CACNA2D3: variants seen among roughly 807,000 people sequenced by gnomAD.
CACNA2D3 encodes the protein calcium voltage-gated channel auxiliary subunit alpha2delta 3, also known as voltage-dependent calcium channel subunit alpha-2/delta-3.
A neutral mutation model predicts 160.6 loss-of-function variants in CACNA2D3; 60 were observed. The ratio of observed to expected loss-of-function variants is 0.37; its 90% CI spans 0.30 to 0.46. The LOEUF (loss-of-function observed/expected upper bound fraction) is 0.46. Ranked by LOEUF, CACNA2D3 falls within the 20% of genes least tolerant of loss-of-function variation. The pLI is 1.00. For missense variants in CACNA2D3, 1,205 were observed against 1,365.0 expected (o/e 0.88, Z 1.85); for synonymous variants, 558 against 492.9 (o/e 1.13, Z -1.75).
chr3:54,554,030 G>T (rs942204868), intron 5 of CACNA2D3, among the ~76,000 whole-genome samples: 1 of 152,154 alleles, frequency 6.6e-6, no homozygotes, highest in African/African-American at 2.4e-5. Flanking sequence ...GCCTCATCTA[G>T]TACCTCTCGC....
At chr3:54,652,077 A>T (rs1309323544) in intron 11 of CACNA2D3, among the ~76,000 whole-genome samples, 1 of 152,172 alleles carries the variant, frequency 6.6e-6, no homozygotes, top group African/African-American at 2.4e-5. Flanking sequence ...GCAACTTGGA[A>T]AGGCGTTAAG....
intron 10 of CACNA2D3, among the ~76,000 whole-genome samples, chr3:54,634,949 A>G (rs1217116462): frequency 6.6e-6 from 1 of 151,996 alleles, no homozygotes; most frequent in Non-Finnish European, 1.5e-5. Context: ...TGCCTTCTTA[A>G]TAAGAAAAAT....
At chr3:54,295,561 C>T (rs978847026) in intron 2 of CACNA2D3, among the ~76,000 whole-genome samples, 1 of 152,180 alleles carries the variant, frequency 6.6e-6, no homozygotes, top group African/African-American at 2.4e-5. Context: ...AGGAGGCTTC[C>T]GGGTCATAGG....
intron 11 of CACNA2D3, among the ~76,000 whole-genome samples, chr3:54,693,871 G>A (rs915982218): frequency 3.9e-5 from 6 of 152,094 alleles, no homozygotes; most frequent in Admixed American, 2.0e-4. Context: ...ACAGCTGTAC[G>A]ATGTGTTTAT....
chr3:54,667,423 T>C (rs1181377483), intron 11 of CACNA2D3, among the ~76,000 whole-genome samples: 1 of 152,180 alleles, frequency 6.6e-6, no homozygotes, highest in Non-Finnish European at 1.5e-5. Context: ...GAAGGTCAGA[T>C]GCCATTTGTA....
chr3:54,537,214 A>T (rs1351577240), intron 5 of CACNA2D3, among the ~76,000 whole-genome samples: 1 of 152,006 alleles, frequency 6.6e-6, no homozygotes, highest in African/African-American at 2.4e-5. Flanking sequence ...CTCTTTGGCC[A>T]TGTGCGCGAT....
intron 2 of CACNA2D3, among the ~76,000 whole-genome samples, chr3:54,232,162 A>G (rs547971667): frequency 2.0e-5 from 3 of 152,246 alleles, no homozygotes; most frequent in Non-Finnish European, 4.4e-5. Flanking sequence ...TGAGGAGTTC[A>G]GCTGCAGAGT....
intron 3 of CACNA2D3, among the ~76,000 whole-genome samples, chr3:54,333,149 G>T (rs986703548): frequency 6.6e-6 from 1 of 151,960 alleles, no homozygotes; most frequent in African/African-American, 2.4e-5. Flanking sequence ...TTTTCCTGCT[G>T]TGAGGGGCAT....
chr3:54,821,189 C>T (rs1703583052), intron 14 of CACNA2D3, among the ~76,000 whole-genome samples: 1 of 152,158 alleles, frequency 6.6e-6, no homozygotes, highest in Non-Finnish European at 1.5e-5. Context: ...TAATATCAAC[C>T]TGAGAATTCT....
At chr3:55,034,275 C>T (rs138798678) in intron 35 of CACNA2D3, among the ~76,000 whole-genome samples, 1 of 151,796 alleles carries the variant, frequency 6.6e-6, no homozygotes, top group East Asian at 1.9e-4. Context: ...TCATTGTTGT[C>T]TTAACTTTTC....
At chr3:54,461,874 G>T (rs1700511921) in intron 4 of CACNA2D3, among the ~76,000 whole-genome samples, 1 of 152,178 alleles carries the variant, frequency 6.6e-6, no homozygotes, top group African/African-American at 2.4e-5. Context: ...ATGTTAGGGT[G>T]TCAATTTTGG....
intron 2 of CACNA2D3, among the ~76,000 whole-genome samples, chr3:54,312,826 C>T (rs886432988): frequency 6.6e-6 from 1 of 151,918 alleles, no homozygotes; most frequent in African/African-American, 2.4e-5. Context: ...AAATGTGACA[C>T]AGAATGCGTT....
At chr3:54,607,699 TACC>T (rs1349065909) in intron 9 of CACNA2D3, among the ~76,000 whole-genome samples, 1 of 152,200 alleles carries the variant, frequency 6.6e-6, no homozygotes, top group African/African-American at 2.4e-5. Flanking sequence ...TGTATGACTT[TACC>T]TATGACCCAG....
At chr3:54,259,211 G>C (rs1289352656) in intron 2 of CACNA2D3, among the ~76,000 whole-genome samples, 1 of 152,180 alleles carries the variant, frequency 6.6e-6, no homozygotes, top group Non-Finnish European at 1.5e-5. Flanking sequence ...GGAGCTAGTG[G>C]GAAAGATGTT....
chr3:54,427,217 C>G (rs1166892153), intron 4 of CACNA2D3, among the ~76,000 whole-genome samples: 1 of 152,166 alleles, frequency 6.6e-6, no homozygotes, highest in African/African-American at 2.4e-5. Context: ...TGTAGGTTAT[C>G]TGTGCGTATC....
chr3:54,591,227 C>A (rs1393237792), intron 9 of CACNA2D3, among the ~76,000 whole-genome samples: 3 of 152,164 alleles, frequency 2.0e-5, no homozygotes, highest in Non-Finnish European at 4.4e-5. Flanking sequence ...AAAGTCAGCA[C>A]CCAAAACCTT....
At chr3:54,688,374 C>T (rs1449138208) in intron 11 of CACNA2D3, among the ~76,000 whole-genome samples, 1 of 151,778 alleles carries the variant, frequency 6.6e-6, no homozygotes, top group East Asian at 1.9e-4. Flanking sequence ...ACCTTTTTCA[C>T]TTTCTCTTTT....
intron 35 of CACNA2D3, among the ~76,000 whole-genome samples, chr3:55,045,822 A>T (rs946723105): frequency 1.3e-5 from 2 of 151,960 alleles, no homozygotes; most frequent in African/African-American, 4.8e-5. Flanking sequence ...AAAGTTTATT[A>T]GTTTTATTGA....
chr3:54,859,902 A>G (rs144035612), intron 17 of CACNA2D3, among the ~76,000 whole-genome samples: 1,705 of 151,588 alleles, frequency 0.011, 8 homozygotes, highest in Non-Finnish European at 0.018. Context: ...AAGGTAGGCA[A>G]TTCACCCCAG....
Sources: gnomAD v4.1 joint callset for allele counts (sites outside exome capture counted in the v4.1 genomes callset) on GRCh38, gnomAD v4.1.1 for gene constraint, MANE v1.5 for transcripts, NCBI Gene and HGNC (gene_info 2026-07-23, HGNC 2026-07-21) for gene names.